The following TNRC6B variants were observed in gnomAD, a reference collection of about 807,000 sequenced individuals.
TNRC6B encodes trinucleotide repeat-containing gene 6B protein.
Under a neutral mutation model 203.6 loss-of-function variants are expected in TNRC6B, and 52 were observed. The observed-to-expected ratio is 0.26, with a 90% CI of 0.20 to 0.32. The LOEUF (loss-of-function observed/expected upper bound fraction) is 0.32, where lower values mean the gene tolerates loss of function less well. Among genes scored for constraint, TNRC6B ranks in the 10% least tolerant of loss-of-function variants. The probability of loss-of-function intolerance (pLI) is 1.00; values close to 1 mark genes in which losing one functional copy is unlikely to be tolerated. For missense variants in TNRC6B, 1,923 were observed against 2,286.2 expected, an observed-to-expected ratio of 0.84 and a Z score of 3.24; for synonymous variants, 838 against 845.7, an observed-to-expected ratio of 0.99 and a Z score of 0.16.
intron 3 of TNRC6B, among the ~76,000 whole-genome samples, chr22:40,133,705 A>G (rs774301357): frequency 3.9e-5 from 6 of 152,094 alleles, no homozygotes; most frequent in Non-Finnish European, 8.8e-5. Flanking sequence ...ACGGTGGCTC[A>G]TGCCTGTAAT....
At chr22:40,147,996 A>G (rs2146344316) in intron 3 of TNRC6B, among the ~76,000 whole-genome samples, 1 of 152,278 alleles carries the variant, frequency 6.6e-6, no homozygotes, top group South Asian at 2.1e-4. Context: ...AATAAAAGCC[A>G]CTGAATTGTG....
At chr22:40,142,740 C>G (rs1181552486) in intron 3 of TNRC6B, among the ~76,000 whole-genome samples, 1 of 152,114 alleles carries the variant, frequency 6.6e-6, no homozygotes, top group Admixed American at 6.6e-5. Flanking sequence ...TGCTATTATA[C>G]TGGTCTTGCC....
chr22:40,177,754 T>C (rs564349758), upstream of TNRC6B, among the ~76,000 whole-genome samples: 2 of 152,362 alleles, frequency 1.3e-5, no homozygotes, highest in African/African-American at 4.8e-5. Context: ...GCAGTGTCTG[T>C]AGGCGGAGAG....
At chr22:40,281,413 T>C in intron 11 of TNRC6B, 124 bp downstream of exon 11, 2 of 758,872 alleles carry the variant, frequency 2.6e-6, no homozygotes, top group Non-Finnish European at 3.9e-6. Flanking sequence ...CAGAATGATA[T>C]TAAGTGTAGG....
At chr22:40,109,800 C>T (rs2146311935) in intron 1 of TNRC6B, among the ~76,000 whole-genome samples, 1 of 152,292 alleles carries the variant, frequency 6.6e-6, no homozygotes, top group African/African-American at 2.4e-5. Context: ...ACCGTTTTCT[C>T]TACGTTCTCT....
At chr22:40,315,628 T>C in intron 20 of TNRC6B, 121 bp downstream of exon 20, 3 of 1,160,192 alleles carry the variant, frequency 2.6e-6, no homozygotes, top group Non-Finnish European at 3.6e-6. Context: ...CTGCTTTTTC[T>C]TCTGGTAGAG....
At chr22:40,179,068 G>A (rs2069101245) in intron 1 of TNRC6B, among the ~76,000 whole-genome samples, 1 of 152,188 alleles carries the variant, frequency 6.6e-6, no homozygotes. Flanking sequence ...TTTCGGCCAT[G>A]TATCCACTGC....
intron 2 of TNRC6B, among the ~76,000 whole-genome samples, chr22:40,117,477 T>A (rs1296521427): frequency 6.6e-6 from 1 of 152,108 alleles, no homozygotes; most frequent in Admixed American, 6.5e-5. Context: ...TTCTGAATGA[T>A]AGATTTACTC....
intron 1 of TNRC6B, among the ~76,000 whole-genome samples, chr22:40,053,833 T>G (rs1282857939): frequency 6.6e-6 from 1 of 152,206 alleles, no homozygotes; most frequent in African/African-American, 2.4e-5. Flanking sequence ...GAATAATCTT[T>G]TAAAACTACA....
rs2071427978 is a variant in TNRC6B, at chr22:40,328,388, AGAAG to A, written c.*5149_*5152del. On this transcript the variant is annotated 3_prime_UTR_variant, in exon 23 of 23. Coordinates refer to ENST00000454349, the MANE Select transcript of TNRC6B (RefSeq NM_001162501.2). Reference sequence around the variant, plus strand: ...AACTCCTGTGGGTTGAATATGGTATAGAAGGTATGCAAGAGGAAAAAGAAAGGAA... The same window carrying A: ...AACTCCTGTGGGTTGAATATGGTATAGTATGCAAGAGGAAAAAGAAAGGAA... 6.6e-6 allele frequency: 1 copy of A among 152,244 alleles called. No homozygotes were observed. Among genetic ancestry groups the A allele is most frequent in the African/African-American group, 2.4e-5 (1 of 41,460 alleles). 9.4% of individuals were successfully genotyped at this position (152,244 alleles called of 1,614,324 possible).
upstream of TNRC6B, chr22:40,177,808 G>GA: frequency 7.8e-7 from 1 of 1,280,558 alleles, no homozygotes; most frequent in Non-Finnish European, 9.9e-7. Context: ...GTGGAAAAGG[G>GA]CTGCTTCCCC....
Position 40,329,429 on chromosome 22 carries a change from AGT to A in TNRC6B, c.*6191_*6192del, listed in dbSNP as rs1226806635. On this transcript the variant is annotated 3_prime_UTR_variant, in exon 23 of 23. Transcript: ENST00000454349. ...GAAATGGTCCCTATTTGTCAGTGAT[AGT>A]GTTTTTTTTTTCTTAAGTTTGACAA... 5.3e-5 allele frequency: 8 copies of A among 151,880 alleles called. No homozygotes were observed. Among genetic ancestry groups the A allele is most frequent in the Non-Finnish European group, 1.0e-4 (7 of 67,988 alleles). 9.4% of individuals were successfully genotyped at this position (151,880 alleles called of 1,614,324 possible). A position where few individuals can be genotyped will look rare whatever the true frequency, so the allele number is the denominator to read the frequency against.
At chr22:40,248,307 T>C (rs1157176888) in intron 2 of TNRC6B, among the ~76,000 whole-genome samples, 1 of 152,206 alleles carries the variant, frequency 6.6e-6, no homozygotes, top group Non-Finnish European at 1.5e-5. Flanking sequence ...AGTGAAAGTT[T>C]TCTTTCCTTA....
intron 15 of TNRC6B, among the ~76,000 whole-genome samples, chr22:40,307,632 C>G (rs2071106463): frequency 6.6e-6 from 1 of 152,078 alleles, no homozygotes; most frequent in Non-Finnish European, 1.5e-5. Flanking sequence ...CATTACCCAC[C>G]AAGACTCTTC....
chr22:40,184,189 G>C (rs2069173103), intron 1 of TNRC6B, among the ~76,000 whole-genome samples: 1 of 152,302 alleles, frequency 6.6e-6, no homozygotes, highest in African/African-American at 2.4e-5. Context: ...TCACATGCCA[G>C]GTGTTGATAA....
Position 40,186,378 on chromosome 22 carries a change from C to T in TNRC6B, c.5+8238C>T, listed in dbSNP as rs190555653. ...TGGTATGGGAATCATTCGATGGCGC[C>T]AGCACCGCCCAGTAGGAACAGAATG... On this transcript the variant is annotated intron_variant, in intron 1 of 22. Transcript: ENST00000454349. Among the ~76,000 whole-genome samples the T allele has an allele frequency of 1.9e-3, 295 of 152,078 alleles. 2 individuals are homozygous for T. Among genetic ancestry groups the T allele is most frequent in the African/African-American group, 6.5e-3 (268 of 41,490 alleles).
chr22:40,186,903 T>G (rs965183908), intron 1 of TNRC6B, among the ~76,000 whole-genome samples: 1 of 152,160 alleles, frequency 6.6e-6, no homozygotes, highest in African/African-American at 2.4e-5. Flanking sequence ...CTGGTGTGTA[T>G]CTTAGGCTTA....
At chr22:40,277,970 TTC>T in intron 8 of TNRC6B, 27 bp from the exon 9 acceptor site, 1 of 1,518,150 alleles carries the variant, frequency 6.6e-7, no homozygotes, top group Non-Finnish European at 9.0e-7. Flanking sequence ...GCATCCTTAA[TTC>T]TCTCTCATCT....
intron 1 of TNRC6B, among the ~76,000 whole-genome samples, chr22:40,096,778 G>A (rs757635135): frequency 6.6e-6 from 1 of 152,174 alleles, no homozygotes; most frequent in Non-Finnish European, 1.5e-5. Context: ...AGAAGGGGAG[G>A]TTTTATTGAT....
Sources: gnomAD v4.1 joint callset for allele counts (sites outside exome capture counted in the v4.1 genomes callset) on GRCh38, gnomAD v4.1.1 for gene constraint, MANE v1.5 for transcripts, NCBI Gene and HGNC (gene_info 2026-07-23, HGNC 2026-07-21) for gene names.